The following THSD7B variants were observed in gnomAD, a reference collection of about 807,000 sequenced individuals.
THSD7B encodes the protein thrombospondin type-1 domain-containing protein 7B.
THSD7B carries 138 observed loss-of-function variants against 213.6 expected under a neutral mutation model. The observed-to-expected ratio is 0.65, with a 90% CI of 0.56 to 0.74. The LOEUF (loss-of-function observed/expected upper bound fraction) is 0.74, where lower values mean the gene tolerates loss of function less well. Ranked by LOEUF, THSD7B falls within the 30% of genes least tolerant of loss-of-function variation. The probability of loss-of-function intolerance (pLI) is 0.00; values close to 1 mark genes in which losing one functional copy is unlikely to be tolerated. For missense variants in THSD7B, 1,931 were observed against 1,991.5 expected (o/e 0.97, Z 0.58); for synonymous variants, 742 against 687.0 (o/e 1.08, Z -1.25).
intron 3 of THSD7B, among the ~76,000 whole-genome samples, chr2:137,064,642 G>T (rs183770264): frequency 6.6e-6 from 1 of 151,962 alleles, no homozygotes; most frequent in East Asian, 1.9e-4. Flanking sequence ...CATAGTTTGA[G>T]GTCTTGGGTT....
intron 12 of THSD7B, among the ~76,000 whole-genome samples, chr2:137,323,806 T>C (rs1684312475): frequency 6.6e-6 from 1 of 152,220 alleles, no homozygotes; most frequent in African/African-American, 2.4e-5. Flanking sequence ...CAGATGAATA[T>C]TCATCATTTA....
chr2:136,961,111 AG>A (rs1685210650), intron 2 of THSD7B, among the ~76,000 whole-genome samples: 9 of 147,132 alleles, frequency 6.1e-5, no homozygotes, highest in African/African-American at 2.2e-4. Flanking sequence ...AAAAAAAAAA[AG>A]AGAAAATGTG....
At chr2:137,355,349 T>C (rs1336752848) in intron 12 of THSD7B, among the ~76,000 whole-genome samples, 1 of 152,146 alleles carries the variant, frequency 6.6e-6, no homozygotes, top group Non-Finnish European at 1.5e-5. Flanking sequence ...AGTGATATCA[T>C]ATGGCTGACA....
At chr2:137,562,548 A>G (rs1681141852) in intron 15 of THSD7B, among the ~76,000 whole-genome samples, 1 of 151,960 alleles carries the variant, frequency 6.6e-6, no homozygotes, top group South Asian at 2.1e-4. Context: ...AAATATTCAT[A>G]GTCAGTAATC....
intron 14 of THSD7B, among the ~76,000 whole-genome samples, chr2:137,413,423 T>G (rs1192528006): frequency 6.6e-6 from 1 of 152,156 alleles, no homozygotes; most frequent in Non-Finnish European, 1.5e-5. Context: ...GGGATAGAAA[T>G]AGAACAAATA....
intron 15 of THSD7B, among the ~76,000 whole-genome samples, chr2:137,470,420 C>T (rs1013508074): frequency 6.6e-6 from 1 of 152,208 alleles, no homozygotes; most frequent in Admixed American, 6.5e-5. Context: ...TTGAGCTCCT[C>T]AGCTTTCCCG....
At chr2:136,895,928 G>A (rs1490635775) in intron 2 of THSD7B, among the ~76,000 whole-genome samples, 1 of 152,050 alleles carries the variant, frequency 6.6e-6, no homozygotes, top group Non-Finnish European at 1.5e-5. Flanking sequence ...CTATATTATA[G>A]CATCTATCAC....
At chr2:137,125,891 A>C (rs1171633579) in intron 5 of THSD7B, among the ~76,000 whole-genome samples, 1 of 152,270 alleles carries the variant, frequency 6.6e-6, no homozygotes, top group East Asian at 1.9e-4. Context: ...CTCCTTGTAC[A>C]TCTCCATCAG....
At chr2:137,019,088 T>C (rs1342566956) in intron 2 of THSD7B, among the ~76,000 whole-genome samples, 1 of 152,180 alleles carries the variant, frequency 6.6e-6, no homozygotes, top group African/African-American at 2.4e-5. Context: ...TTCTCAAATA[T>C]ATTTGCATCA....
intron 1 of THSD7B, among the ~76,000 whole-genome samples, chr2:136,802,639 T>TTATATGTA (rs1553449357): frequency 5.2e-5 from 3 of 57,360 alleles, no homozygotes; most frequent in Admixed American, 2.4e-4. Flanking sequence ...TGAATTAAGT[T>TTATATGTA]TATATATATA....
intron 12 of THSD7B, among the ~76,000 whole-genome samples, chr2:137,309,139 A>C (rs1412750189): frequency 6.6e-6 from 1 of 152,054 alleles, no homozygotes; most frequent in Non-Finnish European, 1.5e-5. Flanking sequence ...CTCATTCTTC[A>C]TTCCTTTAGC....
chr2:136,955,847 G>T (rs557363520), intron 2 of THSD7B, among the ~76,000 whole-genome samples: 16 of 151,988 alleles, frequency 1.1e-4, no homozygotes, highest in African/African-American at 3.4e-4. Context: ...TAGAGATGGG[G>T]TTTCACCATC....
chr2:137,470,677 A>C (rs1688074756), intron 15 of THSD7B, among the ~76,000 whole-genome samples: 1 of 152,206 alleles, frequency 6.6e-6, no homozygotes, highest in African/African-American at 2.4e-5. Context: ...CATTATTTGG[A>C]CTAGTCAGTG....
chr2:136,805,502 G>A (rs1682265300), intron 1 of THSD7B, among the ~76,000 whole-genome samples: 1 of 152,226 alleles, frequency 6.6e-6, no homozygotes, highest in Non-Finnish European at 1.5e-5. Context: ...CACAGTGAGA[G>A]TCAGTGTTAG....
At chr2:136,988,191 A>G (rs548499879) in intron 2 of THSD7B, among the ~76,000 whole-genome samples, 1 of 152,280 alleles carries the variant, frequency 6.6e-6, no homozygotes, top group African/African-American at 2.4e-5. Context: ...AATGTGCTTT[A>G]GGTCTGTACA....
chr2:136,809,512 A>G (rs1187109601), intron 1 of THSD7B, among the ~76,000 whole-genome samples: 1 of 152,094 alleles, frequency 6.6e-6, no homozygotes, highest in African/African-American at 2.4e-5. Flanking sequence ...TCTTATTACA[A>G]CGTAGACTCT....
chr2:137,504,850 C>T (rs1573670198), intron 15 of THSD7B, among the ~76,000 whole-genome samples: 1 of 152,072 alleles, frequency 6.6e-6, no homozygotes, highest in East Asian at 1.9e-4. Flanking sequence ...TAGGCAGACT[C>T]CAAAACAAGA....
intron 27 of THSD7B, among the ~76,000 whole-genome samples, chr2:137,671,247 TA>T (rs34209454): frequency 0.1 from 13,504 of 133,288 alleles, 1,212 homozygotes; most frequent in African/African-American, 0.3. Flanking sequence ...TTTTTTTTTT[TA>T]AAAAAAAAAA....
intron 12 of THSD7B, among the ~76,000 whole-genome samples, chr2:137,403,583 G>A (rs1004028485): frequency 6.6e-6 from 1 of 152,190 alleles, no homozygotes. Flanking sequence ...GCGTGTCTAA[G>A]GCATCATGCC....
Sources: allele counts gnomAD v4.1 joint callset (sites outside exome capture counted in the v4.1 genomes callset), GRCh38; gene constraint gnomAD v4.1.1; transcripts MANE v1.5; gene names NCBI Gene and HGNC (gene_info 2026-07-23, HGNC 2026-07-21).